The following IGDCC4 variants were observed in gnomAD, a reference collection of about 807,000 sequenced individuals.
IGDCC4 encodes immunoglobulin superfamily DCC subclass member 4.
Under a neutral mutation model 116.6 loss-of-function variants are expected in IGDCC4, and 72 were observed. That is an observed-to-expected ratio of 0.62 (90% CI 0.51 to 0.75). The LOEUF (loss-of-function observed/expected upper bound fraction) is 0.75, where lower values mean the gene tolerates loss of function less well. Ranked by LOEUF, IGDCC4 falls within the 30% of genes least tolerant of loss-of-function variation. IGDCC4 has a pLI of 0.00. For missense variants in IGDCC4, 1,501 were observed against 1,662.4 expected (o/e 0.90, Z 1.69); for synonymous variants, 709 against 719.9 (o/e 0.98, Z 0.24).
At chr15:65,422,694 G>T in intron 1 of IGDCC4, 99 bp downstream of exon 1, 1 of 1,006,208 alleles carries the variant, frequency 9.9e-7, no homozygotes, top group Non-Finnish European at 1.3e-6. Flanking sequence ...ACTTGCTCGG[G>T]ACTCCGGCTT....
chr15:65,386,626 A>G lies in IGDCC4; in HGVS notation c.2876T>C (p.Ile959Thr). ...DSLDMHSVTG[I>T]IVGVCLGLLC... The stretch of plus-strand genomic sequence containing the variant: ...GAGGCCCAGGCAGACACCCACGATG[A>G]TGCCCGTGACTGAGTGCATGTCCAG... Residue 959 changes from isoleucine (I) to threonine (T), a missense_variant, in exon 17 of 20, where the codon ATC (isoleucine) becomes ACC (threonine). Physicochemically the swap from Ile to Thr is moderately conservative, Grantham distance 89. Transcript: ENST00000352385. 6.2e-7 allele frequency: 1 copy of G among 1,612,652 alleles called. No homozygotes were observed. The highest frequency in any genetic ancestry group is 8.5e-7 in the Non-Finnish European group (1 of 1,179,844).
In IGDCC4 at chr15:65,384,915, CT is replaced by C; in HGVS notation, c.3342+38del. ...CTTCCTCTTCACAAGCACAGAGACC[CT>C]TTCCTCCTTTCCTGCCCCTTCCTTC... On this transcript the variant is annotated intron_variant, in intron 19 of 19. Transcript: ENST00000352385. The surrounding 1 kb of genome is among the most constrained non-coding windows in gnomAD (Gnocchi z 4.9). 6.4e-7 allele frequency: 1 copy of C among 1,573,808 alleles called. No homozygotes were observed.
intron 1 of IGDCC4, among the ~76,000 whole-genome samples, chr15:65,420,901 T>C (rs2063184048): frequency 6.6e-6 from 1 of 152,178 alleles, no homozygotes; most frequent in African/African-American, 2.4e-5. Flanking sequence ...AGTTTCCCCC[T>C]CCACCAGACT....
In IGDCC4 at chr15:65,386,659, G is replaced by T; in HGVS notation, c.2846-3C>A. 6.2e-7 allele frequency: 1 copy of T among 1,608,042 alleles called. No individual in the cohort carries two copies. The highest frequency in any genetic ancestry group is 8.5e-7 in the Non-Finnish European group (1 of 1,178,054). On this transcript the variant is annotated splice_region_variant and splice_polypyrimidine_tract_variant and intron_variant, in intron 16 of 19. Coordinates refer to ENST00000352385, the MANE Select transcript of IGDCC4 (RefSeq NM_020962.3). ...GACTGAGTGCATGTCCAGCGAGTCT[G>T]GTGGGGGAGAGAGAGGCACAGAGCA...
At position 65,384,256 on chromosome 15, in the gene IGDCC4, C is replaced by A; in HGVS notation, c.3506G>T (p.Gly1169Val). 1 of 1,604,160 alleles carries A rather than the reference C, an allele frequency of 6.2e-7. No individual in the cohort carries two copies. The highest frequency in any genetic ancestry group is 8.5e-7 in the Non-Finnish European group (1 of 1,174,140). The stretch of plus-strand genomic sequence containing the variant: ...TGCCCCCTGCCCTGGATCCCCAACA[C>A]CCGAGATGAGATCAGGAGCCTCTGG... ...LPPEAPDLIS[G>V]VGDPGQGAAW... The change falls in exon 20 of 20, where the codon GGT (glycine) becomes GTT (valine). Residue 1169 changes from glycine (G) to valine (V), a missense_variant. Physicochemically the swap from Gly to Val is moderately radical, Grantham distance 109 (BLOSUM62 -3). Around this residue, in one of 3 missense-constraint regions of IGDCC4, gnomAD observed 368 missense variants for 355.6 expected, o/e 1.03. Coordinates refer to ENST00000352385, the MANE Select transcript of IGDCC4 (RefSeq NM_020962.3). The surrounding 1 kb of genome is among the most constrained non-coding windows in gnomAD (Gnocchi z 4.9).
At chr15:65,400,979 C>G in intron 4 of IGDCC4, 33 bp from the exon 5 acceptor site, 1 of 1,613,558 alleles carries the variant, frequency 6.2e-7, no homozygotes, top group Non-Finnish European at 8.5e-7. Flanking sequence ...GGCAGCCTTA[C>G]CATTAGGCAT....
chr15:65,386,686 G>C, intron 16 of IGDCC4, 30 bp from the exon 17 acceptor site: 1 of 1,573,872 alleles, frequency 6.4e-7, no homozygotes. Context: ...CACAGAGCAG[G>C]TCAGGACAGA....
chr15:65,411,493 G>A lies in IGDCC4; in HGVS notation c.71-123C>T, dbSNP rs111310179. 2.9e-4 allele frequency: 217 copies of A among 757,110 alleles called. 1 individual carries two copies. The African/African-American group carries it at 3.4e-3, about 12-fold the overall frequency. 46.9% of individuals were successfully genotyped at this position (757,110 alleles called of 1,614,324 possible). On this transcript the variant is annotated intron_variant, in intron 1 of 19. Coordinates refer to ENST00000352385, the MANE Select transcript of IGDCC4 (RefSeq NM_020962.3). ...GGAGAAACACCTGCATCTGGATCCT[G>A]GCTCTCCCCTTACTAACTGTGACCT... is the stretch of plus-strand genomic sequence containing the variant.
intron 12 of IGDCC4, among the ~76,000 whole-genome samples, chr15:65,391,193 G>T (rs113368436): frequency 6.6e-6 from 1 of 152,114 alleles, no homozygotes; most frequent in Non-Finnish European, 1.5e-5. Context: ...TCATACCATT[G>T]CACTCCAGCC....
rs771633948 is a variant in IGDCC4 at position 65,384,242 on chromosome 15, C to T, written c.3520G>A (p.Gly1174Arg). The T allele has an allele frequency of 1.2e-5, 19 of 1,600,252 alleles. No individual in the cohort carries two copies. Among genetic ancestry groups the T allele is most frequent in the Non-Finnish European group, 1.3e-5 (15 of 1,170,604 alleles). ...CTGTCCAGCCAGGCTGCCCCCTGCCCTGGATCCCCAACACCCGAGATGAGA... is the reference window on the plus strand; with the variant it reads ...CTGTCCAGCCAGGCTGCCCCCTGCCTTGGATCCCCAACACCCGAGATGAGA... Reference protein sequence around the residue: ...PDLISGVGDPGQGAAWLDREL... With the variant: ...PDLISGVGDPRQGAAWLDREL... The change falls in exon 20 of 20, where the codon GGG (glycine) becomes AGG (arginine). Residue 1174 changes from glycine (G) to arginine (R), a missense_variant. Gly to Arg is a moderately radical substitution (Grantham distance 125). Around this residue, in one of 3 missense-constraint regions of IGDCC4, gnomAD observed 368 missense variants for 355.6 expected, o/e 1.03. Transcript: ENST00000352385. This position sits in a 1 kb window ranked among gnomAD's most constrained non-coding sequence, Gnocchi z 4.9.
rs763453024 is a variant in IGDCC4 at position 65,388,566 on chromosome 15, C to T, written c.2728G>A (p.Val910Ile). Residue 910 changes from valine (V) to isoleucine (I), a missense_variant, in exon 16 of 20, where the codon GTC becomes ATC. Transcript: ENST00000352385. ...TTQGNIFSAE[V>I]HGLESDTRYF... is the part of the protein sequence containing the mutation. ...CGAGTGTCGCTCTCCAGGCCATGGACCTCAGCACTGAAGATGTTTCCTGGG... is the reference window on the plus strand; with the variant it reads ...CGAGTGTCGCTCTCCAGGCCATGGATCTCAGCACTGAAGATGTTTCCTGGG... 16 of 1,614,134 alleles carry T rather than the reference C, an allele frequency of 9.9e-6. No homozygotes were observed. The East Asian group carries it at 3.6e-4, about 36-fold the overall frequency.
intron 16 of IGDCC4, among the ~76,000 whole-genome samples, chr15:65,388,247 A>G (rs76676034): frequency 2.1e-4 from 20 of 96,154 alleles, no homozygotes; most frequent in African/African-American, 6.2e-4. Flanking sequence ...TCCATCTCAG[A>G]AAAAAAAAAA....
Position 65,394,427 on chromosome 15 carries a change from G to A in IGDCC4, c.1698C>T (p.Tyr566=), listed in dbSNP as rs144581941. Residue 566 remains tyrosine (Y), a synonymous_variant, in exon 9 of 20, where the codon TAC becomes TAT. Transcript: ENST00000352385. ...NGQVVKYKIE[Y]GLGKEDQIFS... is the part of the protein sequence containing the mutation. ...CCCACTCACCTTCCTTTCCCAAACCGTATTCTATCTTGTACTTCACCACCT... is the reference window on the plus strand; with the variant it reads ...CCCACTCACCTTCCTTTCCCAAACCATATTCTATCTTGTACTTCACCACCT... 4.2e-4 allele frequency: 681 copies of A among 1,613,694 alleles called. 1 individual carries two copies. The highest frequency in any genetic ancestry group is 4.9e-4 in the Middle Eastern group (3 of 6,080).
At chr15:65,402,687 G>C (rs2063000797) in intron 3 of IGDCC4, among the ~76,000 whole-genome samples, 200 bp from the exon 4 acceptor site, 5 of 152,188 alleles carry the variant, frequency 3.3e-5, no homozygotes. Flanking sequence ...GACCAACATG[G>C]AGAAACCCCG....
At chr15:65,410,965 G>T in intron 2 of IGDCC4, 55 bp downstream of exon 2, 2 of 1,437,758 alleles carry the variant, frequency 1.4e-6, no homozygotes, top group Non-Finnish European at 9.4e-7. Flanking sequence ...ATCCCACTTC[G>T]CACACCCCAA....
chr15:65,383,960 C>T lies in IGDCC4; in HGVS notation c.*49G>A, dbSNP rs2091426980. On this transcript the variant is annotated 3_prime_UTR_variant, in exon 20 of 20. Transcript: ENST00000352385. ...ACATACACGGCCACAGGTATCGCATCCTATGTGATCCATACCTGCCTGCCC... is the reference window on the plus strand; with the variant it reads ...ACATACACGGCCACAGGTATCGCATTCTATGTGATCCATACCTGCCTGCCC... The T allele has an allele frequency of 6.8e-7, 1 of 1,478,508 alleles. No individual in the cohort carries two copies. Among genetic ancestry groups the T allele is most frequent in the Non-Finnish European group, 9.1e-7 (1 of 1,100,972 alleles). The allele number at this position is 1,478,508 out of a possible 1,614,324, so 91.6% of individuals were successfully genotyped here. A position where few individuals can be genotyped will look rare whatever the true frequency, so the allele number is the denominator to read the frequency against.
In IGDCC4 at chr15:65,386,601, G is replaced by A; in HGVS notation, c.2901C>T (p.Leu967=). 1.9e-6 allele frequency: 3 copies of A among 1,612,378 alleles called. No individual in the cohort carries two copies. The highest frequency in any genetic ancestry group is 1.1e-5 in the South Asian group (1 of 90,502). ...CACACATGCAGGCCAGGAGGCAGAG[G>A]AGGCCCAGGCAGACACCCACGATGA... The part of the protein sequence containing the change: ...TGIIVGVCLG[L]LCLLACMCAG... The change falls in exon 17 of 20, where the codon CTC becomes CTT. Residue 967 remains leucine, a synonymous_variant. Transcript: ENST00000352385.
chr15:65,395,936 T>G lies in IGDCC4; in HGVS notation c.1225A>C (p.Asn409His). Residue 409 changes from asparagine (N) to histidine (H), a missense_variant, in exon 7 of 20, where the codon AAC (asparagine) becomes CAC (histidine). Transcript: ENST00000352385. ...GCAGCGCACGCCATTCCCGCGCTGT[T>G]CTCAGCCACGCACTGGTAGTAGCCG... ...DAGYYQCVAENSAGMACAAAS... is the reference protein window; with the variant it reads ...DAGYYQCVAEHSAGMACAAAS... The G allele has an allele frequency of 6.3e-7, 1 of 1,591,738 alleles. No homozygotes were observed. The highest frequency in any genetic ancestry group is 1.1e-5 in the South Asian group (1 of 89,486).
intron 6 of IGDCC4, 110 bp from the exon 7 acceptor site, chr15:65,396,273 A>C: frequency 3.7e-5 from 40 of 1,072,698 alleles, no homozygotes; most frequent in Non-Finnish European, 4.4e-5. Context: ...TCCCCTTCCA[A>C]TCACTTTAAC....
Sources: gnomAD v4.1 joint callset for allele counts (sites outside exome capture counted in the v4.1 genomes callset) on GRCh38, gnomAD v4.1.1 for gene constraint, gnomAD v4.1.1 regional missense constraint, Gnocchi (gnomAD v3.1) non-coding constraint, MANE v1.5 for transcripts, NCBI Gene and HGNC (gene_info 2026-07-23, HGNC 2026-07-21) for gene names.